Variants in GRIN3A observed in about 807,000 individuals in gnomAD.
The protein encoded by GRIN3A is glutamate ionotropic receptor NMDA type subunit 3A.
GRIN3A carries 47 observed loss-of-function variants against 92.4 expected under a neutral mutation model. The observed-to-expected ratio is 0.51, with a 90% CI of 0.40 to 0.65. The LOEUF (loss-of-function observed/expected upper bound fraction) is 0.65, where lower values mean the gene tolerates loss of function less well. Among genes scored for constraint, GRIN3A ranks in the 30% least tolerant of loss-of-function variants. The pLI, the probability that GRIN3A is intolerant of heterozygous loss-of-function variation, is 0.00. For synonymous variants in GRIN3A, 527 were observed against 540.6 expected (o/e 0.97, Z 0.35); for missense variants, 1,324 against 1,393.1 (o/e 0.95, Z 0.79).
chr9:101,648,820 A>G (rs752235822), intron 3 of GRIN3A, among the ~76,000 whole-genome samples: 1 of 151,916 alleles, frequency 6.6e-6, no homozygotes, highest in African/African-American at 2.4e-5. Flanking sequence ...ATTTGAGGAG[A>G]CAGCCATCTC....
chr9:101,596,361 A>G (rs1328959070), intron 6 of GRIN3A, among the ~76,000 whole-genome samples: 2 of 152,088 alleles, frequency 1.3e-5, no homozygotes. Context: ...TTTTTGTTTC[A>G]TTTATTTGCT....
chr9:101,702,407 A>G (rs1003365806), intron 1 of GRIN3A, among the ~76,000 whole-genome samples: 3 of 152,210 alleles, frequency 2.0e-5, no homozygotes, highest in African/African-American at 4.8e-5. Context: ...TCAATGATCA[A>G]TGCTGAAAAG....
At chr9:101,723,111 T>G (rs1275037919) in intron 1 of GRIN3A, among the ~76,000 whole-genome samples, 1 of 152,218 alleles carries the variant, frequency 6.6e-6, no homozygotes, top group African/African-American at 2.4e-5. Flanking sequence ...TCCCATGCTA[T>G]TCTCGTGATA....
At chr9:101,637,448 G>T (rs1026141816) in intron 3 of GRIN3A, among the ~76,000 whole-genome samples, 1 of 152,208 alleles carries the variant, frequency 6.6e-6, no homozygotes, top group South Asian at 2.1e-4. Context: ...TTGGGAGGCT[G>T]TAAAAATATG....
At chr9:101,669,983 A>G in intron 3 of GRIN3A, 77 bp downstream of exon 3, 1 of 1,089,504 alleles carries the variant, frequency 9.2e-7, no homozygotes, top group Admixed American at 1.7e-5. Flanking sequence ...GAAGAACATG[A>G]GCATACTACA....
chr9:101,632,025 T>G (rs563235964), intron 3 of GRIN3A, among the ~76,000 whole-genome samples: 2 of 152,210 alleles, frequency 1.3e-5, no homozygotes, highest in African/African-American at 4.8e-5. Context: ...AGGTTCAGCA[T>G]GTTTGGCTCC....
At chr9:101,678,551 A>T (rs951726507) in intron 2 of GRIN3A, among the ~76,000 whole-genome samples, 1 of 152,194 alleles carries the variant, frequency 6.6e-6, no homozygotes, top group Non-Finnish European at 1.5e-5. Flanking sequence ...TATATTAAAC[A>T]TATATGTACA....
intron 6 of GRIN3A, among the ~76,000 whole-genome samples, chr9:101,582,891 T>C (rs1827906654): frequency 6.6e-6 from 1 of 152,238 alleles, no homozygotes; most frequent in African/African-American, 2.4e-5. Flanking sequence ...CTTATTTTTC[T>C]CTTAGTACCT....
chr9:101,736,456 T>C (rs1830206827), intron 1 of GRIN3A, among the ~76,000 whole-genome samples: 1 of 152,262 alleles, frequency 6.6e-6, no homozygotes, highest in African/African-American at 2.4e-5. Flanking sequence ...AAAATATGTT[T>C]AGCTTTTTTA....
rs909554858 is a variant in GRIN3A at position 101,572,168 on chromosome 9, T to A, written c.*1006A>T. 1 of 152,752 alleles carries A rather than the reference T, an allele frequency of 6.5e-6. No individual in the cohort carries two copies. The highest frequency in any genetic ancestry group is 1.5e-5 in the Non-Finnish European group (1 of 68,230). 9.5% of individuals were successfully genotyped at this position (152,752 alleles called of 1,614,324 possible). A position where few individuals can be genotyped will look rare whatever the true frequency, so the allele number is the denominator to read the frequency against. ...GTCGAAGCTTATAGTGTTCCCGGGC[T>A]GGAGGTTTTGGGATTTCTATGCTAA... On this transcript the variant is annotated 3_prime_UTR_variant, in exon 9 of 9. Transcript: ENST00000361820.
At position 101,573,448 on chromosome 9, in the gene GRIN3A, C is replaced by A. The variant is rs780600553; in HGVS notation, c.3074G>T (p.Arg1025Leu). ...TTCCTCATCACTAAAGATGTATTTCCGTCGGTTGTCATGACTCAGATTGGA... is the reference window on the plus strand; with the variant it reads ...TTCCTCATCACTAAAGATGTATTTCAGTCGGTTGTCATGACTCAGATTGGA... ...NTSNLSHDNR[R>L]KYIFSDEEGQ... The change falls in exon 9 of 9, where the codon CGG becomes CTG. Residue 1025 changes from arginine (R) to leucine (L), a missense_variant. Coordinates refer to ENST00000361820, the MANE Select transcript of GRIN3A (RefSeq NM_133445.3). The A allele has an allele frequency of 6.2e-7, 1 of 1,613,978 alleles. No individual in the cohort carries two copies. Among genetic ancestry groups the A allele is most frequent in the South Asian group, 1.1e-5 (1 of 91,062 alleles).
intron 3 of GRIN3A, among the ~76,000 whole-genome samples, chr9:101,664,074 G>T (rs1468868882): frequency 6.6e-6 from 1 of 151,784 alleles, no homozygotes; most frequent in East Asian, 1.9e-4. Flanking sequence ...TCCCATCTTA[G>T]ATACCAGCAG....
intron 4 of GRIN3A, among the ~76,000 whole-genome samples, chr9:101,627,915 A>G (rs1170605704): frequency 6.6e-6 from 1 of 152,184 alleles, no homozygotes; most frequent in Non-Finnish European, 1.5e-5. Context: ...CTCTGGCCAT[A>G]TTCCCTGTGT....
chr9:101,645,735 A>G (rs1471046609), intron 3 of GRIN3A, among the ~76,000 whole-genome samples: 1 of 148,058 alleles, frequency 6.8e-6, no homozygotes, highest in African/African-American at 2.4e-5. Flanking sequence ...ATTATATGTT[A>G]TATATTACAT....
chr9:101,721,141 G>A (rs532823979), intron 1 of GRIN3A, among the ~76,000 whole-genome samples: 2 of 152,314 alleles, frequency 1.3e-5, no homozygotes, highest in Admixed American at 6.5e-5. Context: ...ATTCCCATGT[G>A]TTGTGGGAGG....
rs563105702 is a variant in GRIN3A, at chr9:101,570,546, C to G, written c.*2628G>C. 20 of 152,714 alleles carry G rather than the reference C, an allele frequency of 1.3e-4. No homozygotes were observed. The highest frequency in any genetic ancestry group is 1.1e-3 in the Admixed American group (17 of 15,294). 9.5% of individuals were successfully genotyped at this position (152,714 alleles called of 1,614,324 possible). ...CAAGCAATTATGGTTTTTCTTTATTCAGAACATAGAGGCATTTCAAGCAAT... is the reference window on the plus strand; with the variant it reads ...CAAGCAATTATGGTTTTTCTTTATTGAGAACATAGAGGCATTTCAAGCAAT... On this transcript the variant is annotated 3_prime_UTR_variant, in exon 9 of 9. Coordinates refer to ENST00000361820, the MANE Select transcript of GRIN3A (RefSeq NM_133445.3).
At chr9:101,614,608 A>ATT (rs1564126676) in intron 5 of GRIN3A, among the ~76,000 whole-genome samples, 6 of 128,390 alleles carry the variant, frequency 4.7e-5, no homozygotes, top group Admixed American at 7.9e-5. Flanking sequence ...TATATGTGAT[A>ATT]CTTTTTTTTT....
chr9:101,648,894 A>G (rs1307367979), intron 3 of GRIN3A, among the ~76,000 whole-genome samples: 1 of 151,854 alleles, frequency 6.6e-6, no homozygotes, highest in Admixed American at 6.6e-5. Flanking sequence ...AGACTTAAAC[A>G]CTGGACTGTT....
intron 6 of GRIN3A, among the ~76,000 whole-genome samples, chr9:101,606,531 G>T (rs1225342310): frequency 6.6e-6 from 1 of 151,756 alleles, no homozygotes. Context: ...TGTGGTAATG[G>T]CTCCCTCACT....
Sources: gnomAD v4.1 joint callset for allele counts (sites outside exome capture counted in the v4.1 genomes callset) on GRCh38, gnomAD v4.1.1 for gene constraint, MANE v1.5 for transcripts, NCBI Gene and HGNC (gene_info 2026-07-23, HGNC 2026-07-21) for gene names.